Variants in RNF145 observed in about 807,000 individuals in gnomAD.
RNF145 encodes ring finger protein 145.
In RNF145, 12 loss-of-function variants were observed where a neutral mutation model predicts 57.3. The observed-to-expected ratio is 0.21, with a 90% CI of 0.13 to 0.34. The LOEUF is 0.34. RNF145 is among the 10% of genes least tolerant of loss of function. The pLI, the probability that RNF145 is intolerant of heterozygous loss-of-function variation, is 1.00. For missense variants in RNF145, 429 were observed against 799.0 expected, an observed-to-expected ratio of 0.54 and a Z score of 5.58; for synonymous variants, 262 against 288.3, an observed-to-expected ratio of 0.91 and a Z score of 0.92.
chr5:159,180,871 T>C (rs559587723), intron 4 of RNF145, among the ~76,000 whole-genome samples: 71 of 152,068 alleles, frequency 4.7e-4, no homozygotes, highest in Non-Finnish European at 7.8e-4. Flanking sequence ...TTTTGGACAA[T>C]GTAGTTTTAG....
intron 10 of RNF145, among the ~76,000 whole-genome samples, chr5:159,160,682 A>C (rs1245682626): frequency 6.6e-6 from 1 of 152,216 alleles, no homozygotes; most frequent in African/African-American, 2.4e-5. Context: ...AATAGAAGAC[A>C]ATCATCAGGC....
intron 3 of RNF145, among the ~76,000 whole-genome samples, chr5:159,192,818 C>A (rs1785331356): frequency 6.6e-6 from 1 of 152,224 alleles, no homozygotes; most frequent in African/African-American, 2.4e-5. Flanking sequence ...TCCAAACCAT[C>A]CATCTATCGA....
chr5:159,205,989 G>A (rs1028476108), intron 1 of RNF145, among the ~76,000 whole-genome samples: 7 of 152,150 alleles, frequency 4.6e-5, no homozygotes, highest in East Asian at 1.9e-4. Context: ...TCCCTAATCC[G>A]TACAGAGGAT....
chr5:159,190,455 G>A (rs1275236742), intron 3 of RNF145, among the ~76,000 whole-genome samples: 2 of 152,066 alleles, frequency 1.3e-5, no homozygotes, highest in East Asian at 3.8e-4. Flanking sequence ...GGAGGCTGAG[G>A]CAGGAGGATA....
chr5:159,209,583 C>G, upstream of RNF145: 1 of 1,024,142 alleles, frequency 9.8e-7, no homozygotes. Flanking sequence ...CCGCACTCTG[C>G]GCCTGCGCGC....
At chr5:159,208,046 T>C (rs1406273724) in intron 1 of RNF145, 1 of 1,515,412 alleles carries the variant, frequency 6.6e-7, no homozygotes, top group Non-Finnish European at 8.8e-7. Flanking sequence ...TCCTCTTTAC[T>C]GCAGACTGCG....
chr5:159,209,700 A>T (rs1224986082), upstream of RNF145: 7 of 1,001,500 alleles, frequency 7.0e-6, no homozygotes, highest in African/African-American at 1.6e-5. Context: ...GGGAGACATA[A>T]GCCTAGCCAA....
chr5:159,167,339 G>A (rs1784421082), intron 8 of RNF145, among the ~76,000 whole-genome samples: 1 of 152,100 alleles, frequency 6.6e-6, no homozygotes, highest in Admixed American at 6.5e-5. Context: ...CCAATTCAAA[G>A]TACCCCGGCC....
Position 159,162,923 on chromosome 5 carries a change from T to C in RNF145, c.1269+9A>G, listed in dbSNP as rs753357890. On this transcript the variant is annotated intron_variant, in intron 9 of 10. Transcript: ENST00000424310. ...GTTATTATATAGAGTTAATTAATCA[T>C]AGGCTTACCTGAAGAGAGGTAAGAA... 5.0e-6 allele frequency: 8 copies of C among 1,585,370 alleles called. No homozygotes were observed. The highest frequency in any genetic ancestry group is 4.5e-5 in the East Asian group (2 of 44,790).
chr5:159,173,703 T>C (rs1784626391), intron 6 of RNF145, among the ~76,000 whole-genome samples: 1 of 152,216 alleles, frequency 6.6e-6, no homozygotes. Context: ...CCAATAATTT[T>C]AACTTGAAAT....
chr5:159,191,798 C>T (rs963749268), intron 3 of RNF145, among the ~76,000 whole-genome samples: 2 of 152,030 alleles, frequency 1.3e-5, no homozygotes. Context: ...GCTTTAATTT[C>T]CTAGTTATGA....
intron 1 of RNF145, among the ~76,000 whole-genome samples, chr5:159,206,092 G>C (rs577007837): frequency 6.6e-6 from 1 of 152,144 alleles, no homozygotes; most frequent in South Asian, 2.1e-4. Context: ...ATAAGAAACA[G>C]AAAACAGGAC....
At chr5:159,165,324 T>C (rs1446555104) in intron 8 of RNF145, among the ~76,000 whole-genome samples, 24 of 152,234 alleles carry the variant, frequency 1.6e-4, no homozygotes, top group Non-Finnish European at 1.5e-4. Context: ...TCCCTTTTTA[T>C]AGTTTGGTTT....
intron 3 of RNF145, among the ~76,000 whole-genome samples, chr5:159,185,401 G>A (rs970063465): frequency 6.6e-6 from 1 of 152,118 alleles, no homozygotes; most frequent in African/African-American, 2.4e-5. Context: ...ACTGAAATAA[G>A]AATCAGGGTT....
chr5:159,157,779 ACT>A lies in RNF145; in HGVS notation c.*889_*890del, dbSNP rs1420509131. On this transcript the variant is annotated 3_prime_UTR_variant, in exon 11 of 11. Transcript: ENST00000424310. ...AGTGCAAATATTGCCATAATTTAAC[ACT>A]GTTTTGATTCAGTTGCAAGAATTAA... 1 of 152,780 alleles carries A rather than the reference ACT, an allele frequency of 6.5e-6. No individual in the cohort carries two copies. The highest frequency in any genetic ancestry group is 1.5e-5 in the Non-Finnish European group (1 of 68,040). 9.5% of individuals were successfully genotyped at this position (152,780 alleles called of 1,614,324 possible). A position where few individuals can be genotyped will look rare whatever the true frequency, so the allele number is the denominator to read the frequency against.
intron 2 of RNF145, among the ~76,000 whole-genome samples, chr5:159,202,206 A>C (rs1396797490): frequency 6.6e-6 from 1 of 152,204 alleles, no homozygotes; most frequent in Non-Finnish European, 1.5e-5. Context: ...ATTTCAACCT[A>C]TTCAGAAACA....
At chr5:159,176,383 G>T (rs768944025) in intron 5 of RNF145, among the ~76,000 whole-genome samples, 13 of 152,064 alleles carry the variant, frequency 8.5e-5, no homozygotes, top group Non-Finnish European at 1.9e-4. Context: ...CACAGCTAGT[G>T]AACAGCAGCA....
At chr5:159,174,495 C>A (rs1454090316) in intron 5 of RNF145, among the ~76,000 whole-genome samples, 2 of 151,828 alleles carry the variant, frequency 1.3e-5, no homozygotes, top group Non-Finnish European at 2.9e-5. Context: ...CATGTCTAAT[C>A]AAAATAATCA....
At chr5:159,171,943 T>C (rs1784573954) in intron 6 of RNF145, among the ~76,000 whole-genome samples, 2 of 152,172 alleles carry the variant, frequency 1.3e-5, no homozygotes, top group Admixed American at 6.5e-5. Context: ...AGAAAAAAAT[T>C]ATGTTAGCAA....
Sources: allele counts gnomAD v4.1 joint callset (sites outside exome capture counted in the v4.1 genomes callset), GRCh38; gene constraint gnomAD v4.1.1; transcripts MANE v1.5; gene names NCBI Gene and HGNC (gene_info 2026-07-23, HGNC 2026-07-21).